CORO2B: variants seen among roughly 807,000 people sequenced by gnomAD.
CORO2B encodes the protein coronin 2B, also known as coronin-2B.
A neutral mutation model predicts 58.8 loss-of-function variants in CORO2B; 26 were observed. The ratio of observed to expected loss-of-function variants is 0.44; its 90% CI spans 0.32 to 0.61. The LOEUF (loss-of-function observed/expected upper bound fraction) is 0.61, where lower values mean the gene tolerates loss of function less well. Ranked by LOEUF, CORO2B falls within the 20% of genes least tolerant of loss-of-function variation. The pLI, the probability that CORO2B is intolerant of heterozygous loss-of-function variation, is 0.04. For synonymous variants in CORO2B, 242 were observed against 253.8 expected (o/e 0.95, Z 0.44); for missense variants, 460 against 645.1 (o/e 0.71, Z 3.11).
chr15:68,574,110 C>T (rs1287462782), upstream of CORO2B, among the ~76,000 whole-genome samples: 2 of 152,148 alleles, frequency 1.3e-5, no homozygotes, highest in South Asian at 4.1e-4. Context: ...TGTGCAAGAG[C>T]TGCTGGGGGA....
At chr15:68,624,196 C>T (rs1425710999) in intron 1 of CORO2B, among the ~76,000 whole-genome samples, 1 of 152,170 alleles carries the variant, frequency 6.6e-6, no homozygotes, top group Admixed American at 6.5e-5. Flanking sequence ...AGAGGCACCA[C>T]TCTACCAATG....
At chr15:68,672,801 T>A (rs920892871) in intron 2 of CORO2B, among the ~76,000 whole-genome samples, 2 of 152,086 alleles carry the variant, frequency 1.3e-5, no homozygotes, top group Non-Finnish European at 2.9e-5. Flanking sequence ...GGCAGGGACC[T>A]GCCACCCCAT....
At chr15:68,613,241 A>G (rs1049820764) in intron 1 of CORO2B, among the ~76,000 whole-genome samples, 1 of 152,236 alleles carries the variant, frequency 6.6e-6, no homozygotes, top group Non-Finnish European at 1.5e-5. Flanking sequence ...AACTGAGACT[A>G]TTACTATGAG....
upstream of CORO2B, among the ~76,000 whole-genome samples, chr15:68,576,173 A>AG (rs769251126): frequency 2.1e-4 from 22 of 103,836 alleles, no homozygotes; most frequent in African/African-American, 7.8e-4. Flanking sequence ...AAAAAAAAAA[A>AG]AAAGAAAGAA....
At chr15:68,706,791 C>G (rs1261674957) in intron 3 of CORO2B, among the ~76,000 whole-genome samples, 2 of 152,050 alleles carry the variant, frequency 1.3e-5, no homozygotes, top group Admixed American at 1.3e-4. Flanking sequence ...CTCACTGCAG[C>G]CTCGTCTTCC....
rs370333591 is a variant in CORO2B at position 68,645,899 on chromosome 15, G to A, written c.216+539G>A. Among the ~76,000 whole-genome samples, 11 of 151,970 alleles carry A rather than the reference G, an allele frequency of 7.2e-5. No individual in the cohort carries two copies. In the East Asian group the frequency reaches 7.7e-4, roughly 11 times the overall value. ...AGCGATTCTCCTGCCTCAGCCTCCC[G>A]AGAAGCTGGGATTGCAGGCACGTGC... On this transcript the variant is annotated intron_variant, in intron 2 of 11. Coordinates refer to ENST00000261861, the MANE Select transcript of CORO2B (RefSeq NM_006091.5). This position sits in a 1 kb window ranked among gnomAD's most constrained non-coding sequence, Gnocchi z 4.5.
At chr15:68,545,314 C>A in the CORO2B span, among the ~76,000 whole-genome samples, 1 of 152,080 alleles carries the variant, frequency 6.6e-6, no homozygotes, top group Non-Finnish European at 1.5e-5. Context: ...TATGGAAAGG[C>A]GTTTGGTGCT....
rs60007308 is a variant in CORO2B at position 68,662,030 on chromosome 15, T to TAAATA, written c.216+16672_216+16673insATAAA. Reference sequence around the variant, plus strand: ...TCAATAAATAAATAAATAAATAAATTAATTAATTAATAAAAATCTGTTTAG... The same window carrying TAAATA: ...TCAATAAATAAATAAATAAATAAATTAAATAAATTAATTAATAAAAATCTGTTTAG... On this transcript the variant is annotated intron_variant, in intron 2 of 11. Transcript: ENST00000261861. 4.0e-3 allele frequency among the ~76,000 whole-genome samples: 592 copies of TAAATA among 147,140 alleles called. 4 individuals carry two copies. The highest frequency in any genetic ancestry group is 0.017 in the South Asian group (83 of 4,750).
Position 68,691,327 on chromosome 15 carries a change from C to CAAAAAAAAAAAAAAAAAAAA in CORO2B, c.217-3797_217-3796insAAAAAAAAAAAAAAAAAAAA, listed in dbSNP as rs1192260415. On this transcript the variant is annotated intron_variant, in intron 2 of 11. Coordinates refer to ENST00000261861, the MANE Select transcript of CORO2B (RefSeq NM_006091.5). The stretch of plus-strand genomic sequence containing the variant: ...CCTGGGAGACAGCGAGACTCCGTCT[C>CAAAAAAAAAAAAAAAAAAAA]AAAAAAAAAAAAAAAAGGCCGGGCG... Among the ~76,000 whole-genome samples, 10 of 9,542 alleles carry CAAAAAAAAAAAAAAAAAAAA rather than the reference C, an allele frequency of 1.0e-3. 2 individuals carry two copies. Among genetic ancestry groups the CAAAAAAAAAAAAAAAAAAAA allele is most frequent in the Non-Finnish European group, 3.2e-3 (10 of 3,140 alleles). 6.3% of individuals were successfully genotyped at this position (9,542 alleles called of 152,430 possible). A position where few individuals can be genotyped will look rare whatever the true frequency, so the allele number is the denominator to read the frequency against.
At chr15:68,588,887 T>A (rs565961731) in intron 1 of CORO2B, among the ~76,000 whole-genome samples, 12 of 152,264 alleles carry the variant, frequency 7.9e-5, no homozygotes, top group African/African-American at 2.6e-4. Flanking sequence ...CCTGCTGACC[T>A]CCAGGTGAAA....
At position 68,718,774 on chromosome 15, in the gene CORO2B, C is replaced by T. The variant is rs1893091592; in HGVS notation, c.1044C>T (p.Gly348=). Residue 348 remains glycine (G), a synonymous_variant, in exon 9 of 12, where the codon GGC becomes GGT. Transcript: ENST00000261861. ...TCTACAAGCTGGTGACTCTCAAGGG[C>T]CTGATCGAGCCCATCTCCATGATCG... The part of the protein sequence containing the change: ...FRFYKLVTLK[G]LIEPISMIVP... 1.2e-6 allele frequency: 2 copies of T among 1,614,134 alleles called. No individual in the cohort carries two copies. Among genetic ancestry groups the T allele is most frequent in the Non-Finnish European group, 1.7e-6 (2 of 1,180,006 alleles).
At chr15:68,575,211 T>C (rs1464549530), upstream of CORO2B, among the ~76,000 whole-genome samples, 1 of 151,916 alleles carries the variant, frequency 6.6e-6, no homozygotes, top group Non-Finnish European at 1.5e-5. Flanking sequence ...CCTCAAACAA[T>C]GGGGAAGAGG....
chr15:68,579,280 A>T lies in CORO2B; in HGVS notation c.15+3A>T. 3 of 1,282,738 alleles carry T rather than the reference A, an allele frequency of 2.3e-6. No homozygotes were observed. Among genetic ancestry groups the T allele is most frequent in the Non-Finnish European group, 3.0e-6 (3 of 1,009,670 alleles). 79.5% of individuals were successfully genotyped at this position (1,282,738 alleles called of 1,614,324 possible). ...GTTTCTGCATGACTGTCACAAAGGTAAGCGCCGCTCGCCCGCCGCGCCCGG... is the reference window on the plus strand; with the variant it reads ...GTTTCTGCATGACTGTCACAAAGGTTAGCGCCGCTCGCCCGCCGCGCCCGG... On this transcript the variant is annotated splice_donor_region_variant and intron_variant, in intron 1 of 11. Transcript: ENST00000261861.
chr15:68,546,539 G>T, the CORO2B span, among the ~76,000 whole-genome samples: 1 of 152,148 alleles, frequency 6.6e-6, no homozygotes, highest in African/African-American at 2.4e-5. Flanking sequence ...TAGACCCTGA[G>T]GTGTCTAGAT....
Position 68,639,480 on chromosome 15 carries a change from A to C in CORO2B, c.16-5680A>C, listed in dbSNP as rs147079703. Among the ~76,000 whole-genome samples the C allele has an allele frequency of 3.9e-5, 6 of 152,372 alleles. No homozygotes were observed. The East Asian group carries it at 1.2e-3, about 29-fold the overall frequency. On this transcript the variant is annotated intron_variant, in intron 1 of 11. Coordinates refer to ENST00000261861, the MANE Select transcript of CORO2B (RefSeq NM_006091.5). ...TGTCATTCAGGGTCACAGCAACCCA[A>C]CTGGGGTAGGGGAATATAAAAGAGG...
At chr15:68,711,814 A>T in intron 5 of CORO2B, 108 bp downstream of exon 5, 1 of 1,264,994 alleles carries the variant, frequency 7.9e-7, no homozygotes. Context: ...TCTCCAGTGC[A>T]TCTCACTGCA....
chr15:68,712,422 C>G (rs1892941267), intron 5 of CORO2B, among the ~76,000 whole-genome samples: 1 of 152,144 alleles, frequency 6.6e-6, no homozygotes, highest in Non-Finnish European at 1.5e-5. Flanking sequence ...GACTCCAAAT[C>G]CAAAACTTTT....
In CORO2B at chr15:68,701,824, T is replaced by G. The variant is rs940958221; in HGVS notation, c.333+6568T>G. ...TACCTCTGAGTACCAGTTGCCCTAT[T>G]GTAAAATAGGAATCATCTCGGGCTC... On this transcript the variant is annotated intron_variant, in intron 3 of 11. Transcript: ENST00000261861. Among the ~76,000 whole-genome samples, 25 of 152,052 alleles carry G rather than the reference T, an allele frequency of 1.6e-4. 1 individual carries two copies. Among genetic ancestry groups the G allele is most frequent in the Admixed American group, 5.9e-4 (9 of 15,272 alleles).
intron 3 of CORO2B, among the ~76,000 whole-genome samples, chr15:68,705,773 C>T (rs1287832413): frequency 6.6e-6 from 1 of 152,174 alleles, no homozygotes. Flanking sequence ...AGCATGTCAG[C>T]TCATGTATCT....
Sources: allele counts gnomAD v4.1 joint callset (sites outside exome capture counted in the v4.1 genomes callset), GRCh38; gene constraint gnomAD v4.1.1; non-coding constraint Gnocchi (gnomAD v3.1); transcripts MANE v1.5; gene names NCBI Gene and HGNC (gene_info 2026-07-23, HGNC 2026-07-21).